The following WDR48 variants were observed in gnomAD, a reference collection of about 807,000 sequenced individuals.
The protein encoded by WDR48 is WD repeat-containing protein 48.
A neutral mutation model predicts 94.0 loss-of-function variants in WDR48; 22 were observed. The ratio of observed to expected loss-of-function variants is 0.23; its 90% CI spans 0.17 to 0.33. WDR48 has a LOEUF of 0.33. WDR48 is among the 10% of genes least tolerant of loss of function. WDR48 has a pLI of 1.00. For synonymous variants in WDR48, 278 were observed against 280.5 expected (o/e 0.99, Z 0.09); for missense variants, 541 against 813.8 (o/e 0.66, Z 4.08).
chr3:39,063,889 C>G (rs538295164), intron 2 of WDR48, among the ~76,000 whole-genome samples: 1 of 152,136 alleles, frequency 6.6e-6, no homozygotes, highest in Non-Finnish European at 1.5e-5. Flanking sequence ...GAGGTTGAGG[C>G]TGAGTGAGCC....
At chr3:39,070,133 G>A (rs1055964566) in intron 7 of WDR48, among the ~76,000 whole-genome samples, 2 of 152,318 alleles carry the variant, frequency 1.3e-5, no homozygotes, top group African/African-American at 4.8e-5. Context: ...AGTTGACTAT[G>A]TAGATATAGT....
chr3:39,094,199 C>G, intron 18 of WDR48, 133 bp downstream of exon 18: 1 of 1,455,902 alleles, frequency 6.9e-7, no homozygotes, highest in Non-Finnish European at 9.0e-7. Context: ...ACCTAAAGCC[C>G]ACCCTAAAGC....
chr3:39,089,178 A>AT (rs2034960977), intron 15 of WDR48, 53 bp from the exon 16 acceptor site: 1 of 1,534,998 alleles, frequency 6.5e-7, no homozygotes, highest in African/African-American at 1.4e-5. Flanking sequence ...GTTGACAGTG[A>AT]TTTTGACATC....
intron 1 of WDR48, among the ~76,000 whole-genome samples, chr3:39,053,379 A>G (rs1304014151): frequency 6.6e-6 from 1 of 152,206 alleles, no homozygotes; most frequent in Non-Finnish European, 1.5e-5. Flanking sequence ...TCTTGGTTTT[A>G]TTGATCTCAC....
At chr3:39,092,876 TACAC>T (rs3033301) in intron 17 of WDR48, among the ~76,000 whole-genome samples, 129 of 146,056 alleles carry the variant, frequency 8.8e-4, no homozygotes, top group East Asian at 3.2e-3. Flanking sequence ...CATCTCTGTC[TACAC>T]ACACACACAC....
At chr3:39,053,410 G>T (rs1304566405) in intron 1 of WDR48, among the ~76,000 whole-genome samples, 2 of 152,174 alleles carry the variant, frequency 1.3e-5, no homozygotes, top group Non-Finnish European at 2.9e-5. Flanking sequence ...AGTGTCTTAA[G>T]CACTCACTGG....
At chr3:39,078,419 G>C (rs1160378623) in intron 10 of WDR48, among the ~76,000 whole-genome samples, 180 bp downstream of exon 10, 1 of 151,670 alleles carries the variant, frequency 6.6e-6, no homozygotes, top group African/African-American at 2.4e-5. Context: ...TTTGCTTTTT[G>C]TTTTGTTTTG....
intron 5 of WDR48, 116 bp downstream of exon 5, chr3:39,066,991 T>C (rs1435402073): frequency 8.0e-7 from 1 of 1,246,826 alleles, no homozygotes; most frequent in Admixed American, 2.3e-5. Flanking sequence ...ATTTTGAGAG[T>C]GCTTCTACCT....
At chr3:39,061,946 T>TTTG (rs542071630) in intron 1 of WDR48, among the ~76,000 whole-genome samples, 5 of 152,076 alleles carry the variant, frequency 3.3e-5, no homozygotes, top group East Asian at 1.9e-4. Flanking sequence ...TGGGGTTGTT[T>TTTG]TTGTTGTTGT....
At chr3:39,052,570 C>A (rs1478958991) in intron 1 of WDR48, 2 of 159,614 alleles carry the variant, frequency 1.3e-5, no homozygotes, top group African/African-American at 2.4e-5. Flanking sequence ...TGGGAGCCCC[C>A]AGCCCTCTCT....
rs1575425309 is a variant in WDR48 at position 39,082,115 on chromosome 3, C to T, written c.1174-2040C>T. Among the ~76,000 whole-genome samples, 4 of 152,108 alleles carry T rather than the reference C, an allele frequency of 2.6e-5. No individual in the cohort carries two copies. The South Asian group carries it at 8.3e-4, about 32-fold the overall frequency. Reference sequence around the variant, plus strand: ...TTCATTCCTAAAATGTCGGGGGTGCCTATTATTGGTGATGTTGAGAAGCAC... The same window carrying T: ...TTCATTCCTAAAATGTCGGGGGTGCTTATTATTGGTGATGTTGAGAAGCAC... On this transcript the variant is annotated intron_variant, in intron 11 of 18. Transcript: ENST00000302313.
chr3:39,091,751 C>A (rs2035081692), intron 17 of WDR48, 50 bp downstream of exon 17: 2 of 1,420,572 alleles, frequency 1.4e-6, no homozygotes, highest in Non-Finnish European at 1.9e-6. Context: ...GAGAGAATTC[C>A]TTTTCCTTAT....
chr3:39,087,271 T>C (rs2034858855), intron 14 of WDR48, among the ~76,000 whole-genome samples: 1 of 152,230 alleles, frequency 6.6e-6, no homozygotes. Context: ...CTAGGCGTGA[T>C]GGCTCACACC....
intron 16 of WDR48, chr3:39,091,359 A>T: frequency 4.5e-6 from 1 of 224,440 alleles, no homozygotes. Context: ...TTAAAAAATT[A>T]AAGTTTGTTT....
At chr3:39,059,297 G>A (rs1311660075) in intron 1 of WDR48, among the ~76,000 whole-genome samples, 1 of 152,068 alleles carries the variant, frequency 6.6e-6, no homozygotes, top group Non-Finnish European at 1.5e-5. Flanking sequence ...CATGACACTG[G>A]CAACAGTAAA....
At chr3:39,052,330 T>C (rs1285402443) in intron 1 of WDR48, 1 of 490,188 alleles carries the variant, frequency 2.0e-6, no homozygotes, top group Non-Finnish European at 3.7e-6. Flanking sequence ...TTGTCGCCGC[T>C]CTTCTGTAGG....
chr3:39,059,424 G>T (rs1263220353), intron 1 of WDR48, among the ~76,000 whole-genome samples: 1 of 152,188 alleles, frequency 6.6e-6, no homozygotes, highest in Non-Finnish European at 1.5e-5. Context: ...GGGGGATGCA[G>T]GGTCAGAACT....
rs564571637 is a variant in WDR48 at position 39,094,653 on chromosome 3, G to A, written c.1944G>A (p.Leu648=). ...ATTTAATTTTGGCTATTCAGGTTTT[G>A]GATCCAAATATGGACCTTCGAACAG... The part of the protein sequence containing the change: ...KIELLCQDQV[L]DPNMDLRTVK... Residue 648 remains leucine, a synonymous_variant, in exon 19 of 19, where the codon TTG becomes TTA. Coordinates refer to ENST00000302313, the MANE Select transcript of WDR48 (RefSeq NM_020839.4). 16 of 1,614,062 alleles carry A rather than the reference G, an allele frequency of 9.9e-6. No individual in the cohort carries two copies. The South Asian group carries it at 1.8e-4, about 18-fold the overall frequency.
Position 39,063,169 on chromosome 3 carries a change from A to T in WDR48, c.168A>T (p.Ile56=), listed in dbSNP as rs2033379403. 6.2e-7 allele frequency: 1 copy of T among 1,614,150 alleles called. No individual in the cohort carries two copies. Among genetic ancestry groups the T allele is most frequent in the African/African-American group, 1.3e-5 (1 of 75,050 alleles). ...CCGGTCGAGACTCTATCATAAGAAT[A>T]TGGAGTGTCAATCAGCACAAGGTAA... The part of the protein sequence containing the change: ...FTAGRDSIIR[I]WSVNQHKQDP... Residue 56 remains isoleucine, a synonymous_variant, in exon 2 of 19, where the codon ATA becomes ATT. Coordinates refer to ENST00000302313, the MANE Select transcript of WDR48 (RefSeq NM_020839.4).
Sources: gnomAD v4.1 joint callset for allele counts (sites outside exome capture counted in the v4.1 genomes callset) on GRCh38, gnomAD v4.1.1 for gene constraint, MANE v1.5 for transcripts, NCBI Gene and HGNC (gene_info 2026-07-23, HGNC 2026-07-21) for gene names.